The following SHISA9 variants were observed in gnomAD, a reference collection of about 807,000 sequenced individuals.
SHISA9 encodes the protein protein shisa-9.
Under a neutral mutation model 38.0 loss-of-function variants are expected in SHISA9, and 13 were observed. The observed-to-expected ratio is 0.34, with a 90% CI of 0.22 to 0.54. The LOEUF is 0.54. SHISA9 is among the 20% of genes least tolerant of loss of function. The pLI is 0.91. For missense variants in SHISA9, 538 were observed against 575.8 expected (o/e 0.93, Z 0.67); for synonymous variants, 275 against 242.0 (o/e 1.14, Z -1.27).
chr16:13,202,200 C>A (rs2051012578), intron 2 of SHISA9, among the ~76,000 whole-genome samples: 1 of 128,588 alleles, frequency 7.8e-6, no homozygotes, highest in Non-Finnish European at 1.7e-5. Context: ...TTTCCTTACA[C>A]TGTATTCTCT....
the SHISA9 span, among the ~76,000 whole-genome samples, chr16:13,393,558 G>A: frequency 1.3e-5 from 2 of 152,256 alleles, no homozygotes; most frequent in African/African-American, 2.4e-5. Flanking sequence ...AATGGCAGAC[G>A]GGCACTGTGT....
intron 2 of SHISA9, among the ~76,000 whole-genome samples, chr16:12,957,647 A>C (rs1039864097): frequency 3.3e-5 from 5 of 152,152 alleles, no homozygotes; most frequent in Admixed American, 3.3e-4. Context: ...TCAACATATG[A>C]ATTTGGGGGG....
the SHISA9 span, among the ~76,000 whole-genome samples, chr16:13,522,570 A>G: frequency 2.0e-4 from 30 of 151,970 alleles, no homozygotes; most frequent in Admixed American, 1.5e-3. Context: ...ATTTCTACAT[A>G]TTTTAATATT....
the SHISA9 span, among the ~76,000 whole-genome samples, chr16:13,419,912 A>G: frequency 6.6e-6 from 1 of 152,184 alleles, no homozygotes; most frequent in Non-Finnish European, 1.5e-5. Context: ...AGTGAAATCT[A>G]CACTGCGTTA....
the SHISA9 span, among the ~76,000 whole-genome samples, chr16:13,501,060 C>G: frequency 6.6e-6 from 1 of 152,138 alleles, no homozygotes; most frequent in Non-Finnish European, 1.5e-5. Context: ...GAGTGCTCAA[C>G]AAGGACAGGA....
the SHISA9 span, among the ~76,000 whole-genome samples, chr16:13,532,928 G>A: frequency 6.6e-6 from 1 of 151,948 alleles, no homozygotes; most frequent in Non-Finnish European, 1.5e-5. Flanking sequence ...TCGCTTCTCA[G>A]GTCTTTTGCC....
the SHISA9 span, among the ~76,000 whole-genome samples, chr16:13,443,381 G>A: frequency 6.6e-6 from 1 of 152,118 alleles, no homozygotes; most frequent in South Asian, 2.1e-4. Context: ...TTCCAATTTG[G>A]CTTCTTACTG....
At chr16:13,169,050 T>C (rs1294581064) in intron 2 of SHISA9, among the ~76,000 whole-genome samples, 1 of 152,192 alleles carries the variant, frequency 6.6e-6, no homozygotes, top group Admixed American at 6.5e-5. Context: ...CTTTTGCTTT[T>C]GGATTTCCAA....
At chr16:13,293,643 A>G in the SHISA9 span, among the ~76,000 whole-genome samples, 2 of 152,180 alleles carry the variant, frequency 1.3e-5, no homozygotes, top group African/African-American at 2.4e-5. Flanking sequence ...TTGTTATTCA[A>G]TCTCCTCACT....
chr16:13,433,011 C>A, the SHISA9 span, among the ~76,000 whole-genome samples: 1 of 151,854 alleles, frequency 6.6e-6, no homozygotes, highest in African/African-American at 2.4e-5. Context: ...CAGCAAACCC[C>A]CATGACACAA....
At chr16:13,245,631 C>G in the SHISA9 span, among the ~76,000 whole-genome samples, 1 of 152,150 alleles carries the variant, frequency 6.6e-6, no homozygotes, top group Admixed American at 6.5e-5. Context: ...GAAACAGGCT[C>G]AAAGAGGTAA....
intron 2 of SHISA9, among the ~76,000 whole-genome samples, chr16:13,118,658 C>A (rs374602157): frequency 6.6e-6 from 1 of 152,118 alleles, no homozygotes; most frequent in East Asian, 1.9e-4. Flanking sequence ...GTGACCACAC[C>A]TTGAGGAGCA....
intron 2 of SHISA9, among the ~76,000 whole-genome samples, chr16:13,146,073 G>A (rs1221523619): frequency 3.3e-5 from 5 of 152,126 alleles, no homozygotes; most frequent in African/African-American, 7.2e-5. Context: ...CTGTGGTCCC[G>A]GCTACTTGGG....
At chr16:13,281,684 T>A in the SHISA9 span, among the ~76,000 whole-genome samples, 3 of 151,638 alleles carry the variant, frequency 2.0e-5, no homozygotes, top group Non-Finnish European at 4.4e-5. Flanking sequence ...TCTAGGTATA[T>A]CAATATATCT....
At chr16:13,091,733 A>C (rs2073777161) in intron 2 of SHISA9, among the ~76,000 whole-genome samples, 1 of 152,118 alleles carries the variant, frequency 6.6e-6, no homozygotes, top group South Asian at 2.1e-4. Context: ...GCTTCCTTGC[A>C]ATGGGTTCAC....
intron 4 of SHISA9, among the ~76,000 whole-genome samples, chr16:13,216,567 G>C (rs541485547): frequency 2.8e-4 from 42 of 152,084 alleles, no homozygotes; most frequent in Non-Finnish European, 5.4e-4. Flanking sequence ...TGATCTCTTT[G>C]CTCTTAAGGA....
intron 2 of SHISA9, among the ~76,000 whole-genome samples, chr16:13,198,244 A>C (rs2050968087): frequency 6.8e-6 from 1 of 146,100 alleles, no homozygotes; most frequent in East Asian, 1.9e-4. Flanking sequence ...GTATATGCAT[A>C]CATATATACT....
chr16:13,434,672 C>T, the SHISA9 span, among the ~76,000 whole-genome samples: 15 of 152,080 alleles, frequency 9.9e-5, no homozygotes, highest in African/African-American at 3.1e-4. Context: ...CCCACCTCGG[C>T]GTCCCAAAGT....
chr16:13,019,869 TCCCTCCCTCCCTC>T (rs2072813677), intron 2 of SHISA9, among the ~76,000 whole-genome samples: 4 of 32,644 alleles, frequency 1.2e-4, no homozygotes, highest in Admixed American at 7.5e-4. Flanking sequence ...CCTCCCTCCC[TCCCTCCCTCCCTC>T]CCTTCTTTCT....
Sources: gnomAD v4.1 joint callset for allele counts (sites outside exome capture counted in the v4.1 genomes callset) on GRCh38, gnomAD v4.1.1 for gene constraint, MANE v1.5 for transcripts, NCBI Gene and HGNC (gene_info 2026-07-23, HGNC 2026-07-21) for gene names.